The following METTL15 variants were observed in gnomAD, a reference collection of about 807,000 sequenced individuals.
The protein encoded by METTL15 is 12S rRNA N(4)-cytidine methyltransferase METTL15.
A neutral mutation model predicts 38.3 loss-of-function variants in METTL15; 34 were observed. That is an observed-to-expected ratio of 0.89 (90% CI 0.68 to 1.18). The LOEUF (loss-of-function observed/expected upper bound fraction) is 1.18. Among genes scored for constraint, METTL15 ranks in the 50% most tolerant of loss-of-function variants. The probability of loss-of-function intolerance (pLI) is 0.00; values close to 1 mark genes in which losing one functional copy is unlikely to be tolerated. For missense variants in METTL15, 438 were observed against 498.4 expected (o/e 0.88, Z 1.15); for synonymous variants, 162 against 170.9 (o/e 0.95, Z 0.41).
intron 6 of METTL15, among the ~76,000 whole-genome samples, chr11:28,453,696 C>G (rs1046446561): frequency 3.3e-5 from 5 of 152,188 alleles, no homozygotes; most frequent in Non-Finnish European, 7.3e-5. Flanking sequence ...GCTTTTGGAT[C>G]TCTCTCTATG....
chr11:28,275,015 A>T (rs903225515), intron 4 of METTL15, among the ~76,000 whole-genome samples: 1 of 151,650 alleles, frequency 6.6e-6, no homozygotes, highest in Non-Finnish European at 1.5e-5. Flanking sequence ...GCTTACATCA[A>T]TTAGAAAGAT....
intron 5 of METTL15, among the ~76,000 whole-genome samples, chr11:28,376,640 G>A (rs1268911203): frequency 6.6e-6 from 1 of 151,954 alleles, no homozygotes; most frequent in Non-Finnish European, 1.5e-5. Flanking sequence ...CTTTTAATTG[G>A]AGCATTTAGT....
chr11:28,403,369 T>G (rs570321514), intron 5 of METTL15, among the ~76,000 whole-genome samples: 1 of 152,152 alleles, frequency 6.6e-6, no homozygotes, highest in Non-Finnish European at 1.5e-5. Context: ...GTAAACTTGT[T>G]AGTAATGACC....
intron 5 of METTL15, among the ~76,000 whole-genome samples, chr11:28,368,305 G>GA (rs1164079205): frequency 2.0e-5 from 3 of 151,710 alleles, no homozygotes; most frequent in Non-Finnish European, 4.4e-5. Flanking sequence ...AAATTTTCAA[G>GA]AAAAAAACAA....
chr11:28,348,680 T>TTATGTATG lies in METTL15; in HGVS notation c.*190-3362_*190-3355dup, dbSNP rs55889001. ...CCACCACTGAACTTTGTCTATCCAT[T>TTATGTATG]TATGTATGTATGTATGTATGTATGT... On this transcript the variant is annotated intron_variant and NMD_transcript_variant, in intron 3 of 7. Transcript: ENST00000532947. Among the ~76,000 whole-genome samples the TTATGTATG allele has an allele frequency of 1.9e-3, 282 of 146,002 alleles. 1 individual carries two copies. The highest frequency in any genetic ancestry group is 3.6e-3 in the South Asian group (16 of 4,450).
At chr11:28,191,745 A>C (rs1187270482) in intron 3 of METTL15, among the ~76,000 whole-genome samples, 2 of 151,590 alleles carry the variant, frequency 1.3e-5, no homozygotes, top group Non-Finnish European at 3.0e-5. Context: ...TGAAAGGCAA[A>C]GTTGATTTAT....
chr11:28,279,507 A>G (rs1240164334), intron 4 of METTL15, among the ~76,000 whole-genome samples: 1 of 152,250 alleles, frequency 6.6e-6, no homozygotes, highest in Middle Eastern at 3.4e-3. Context: ...CCTTTTAAAA[A>G]TTAGTCCATT....
chr11:28,478,896 A>G (rs112737772), intron 6 of METTL15, among the ~76,000 whole-genome samples: 34 of 146,346 alleles, frequency 2.3e-4, no homozygotes, highest in African/African-American at 7.8e-4. Flanking sequence ...ATTATCTCCT[A>G]GGAAGCAGAA....
At chr11:28,217,855 G>T (rs531446930) in intron 4 of METTL15, among the ~76,000 whole-genome samples, 2 of 152,282 alleles carry the variant, frequency 1.3e-5, no homozygotes, top group African/African-American at 2.4e-5. Context: ...GTTTGTCAAA[G>T]ATCAGATAGT....
intron 4 of METTL15, among the ~76,000 whole-genome samples, chr11:28,279,231 T>A (rs566123676): frequency 6.6e-6 from 1 of 152,330 alleles, no homozygotes; most frequent in South Asian, 2.1e-4. Context: ...CATCTTTCCT[T>A]TTTTTAATAT....
chr11:28,227,357 G>C (rs1853524440), intron 4 of METTL15, among the ~76,000 whole-genome samples: 1 of 151,764 alleles, frequency 6.6e-6, no homozygotes, highest in African/African-American at 2.4e-5. Flanking sequence ...TGAATGAGTA[G>C]CGTATGATCT....
At chr11:28,463,983 G>T (rs1851236609) in intron 6 of METTL15, among the ~76,000 whole-genome samples, 1 of 152,182 alleles carries the variant, frequency 6.6e-6, no homozygotes, top group African/African-American at 2.4e-5. Flanking sequence ...AGTGGGCATA[G>T]GGAGCTTTCC....
chr11:28,361,873 C>T (rs1355632133), intron 4 of METTL15: 1 of 152,096 alleles, frequency 6.6e-6, no homozygotes, highest in Non-Finnish European at 1.5e-5. Context: ...GTAAGACGGA[C>T]GTTAGTATCA....
chr11:28,262,708 G>A (rs533149013), intron 4 of METTL15, among the ~76,000 whole-genome samples: 1 of 152,164 alleles, frequency 6.6e-6, no homozygotes, highest in East Asian at 1.9e-4. Flanking sequence ...ATTTTTATAT[G>A]ATATGCCATC....
chr11:28,372,954 A>C (rs1268848865), intron 5 of METTL15, among the ~76,000 whole-genome samples: 2 of 150,800 alleles, frequency 1.3e-5, no homozygotes, highest in East Asian at 2.0e-4. Context: ...TGAACTCATC[A>C]TTTTTTATGG....
chr11:28,120,251 C>CTT (rs111884031), intron 3 of METTL15, among the ~76,000 whole-genome samples: 4 of 136,856 alleles, frequency 2.9e-5, no homozygotes, highest in Non-Finnish European at 4.8e-5. Context: ...TGTGCCCAGC[C>CTT]TTTTTTTTTT....
chr11:28,135,757 A>G (rs901662693), intron 3 of METTL15, among the ~76,000 whole-genome samples: 2 of 152,242 alleles, frequency 1.3e-5, no homozygotes, highest in African/African-American at 4.8e-5. Context: ...AGAAATAAAT[A>G]TCCTCCAAAT....
chr11:28,284,515 C>A (rs1346443854), intron 4 of METTL15, among the ~76,000 whole-genome samples: 3 of 151,994 alleles, frequency 2.0e-5, no homozygotes, highest in Non-Finnish European at 4.4e-5. Context: ...ATCCCTGAAT[C>A]CTAAAAGGAC....
intron 3 of METTL15, 128 bp from the exon 4 acceptor site, chr11:28,210,934 C>G (rs538223729): frequency 1.0e-6 from 1 of 986,548 alleles, no homozygotes; most frequent in Non-Finnish European, 1.5e-6. Flanking sequence ...ATAGGCACAA[C>G]GATTGTAATT....
Sources: allele counts gnomAD v4.1 joint callset (sites outside exome capture counted in the v4.1 genomes callset), GRCh38; gene constraint gnomAD v4.1.1; transcripts MANE v1.5; gene names NCBI Gene and HGNC (gene_info 2026-07-23, HGNC 2026-07-21).